CTNNA2: variants seen among roughly 807,000 people sequenced by gnomAD.
CTNNA2 encodes the protein catenin alpha-2.
In CTNNA2, 42 loss-of-function variants were observed where a neutral mutation model predicts 101.0. That is an observed-to-expected ratio of 0.42 (90% CI 0.32 to 0.54). The LOEUF is 0.54. Ranked by LOEUF, CTNNA2 falls within the 20% of genes least tolerant of loss-of-function variation. CTNNA2 has a pLI of 0.14. For missense variants in CTNNA2, 871 were observed against 1,223.1 expected (o/e 0.71, Z 4.29); for synonymous variants, 450 against 456.4 (o/e 0.99, Z 0.18).
At chr2:80,469,913 C>T (rs1371612107) in intron 9 of CTNNA2, among the ~76,000 whole-genome samples, 1 of 152,132 alleles carries the variant, frequency 6.6e-6, no homozygotes, top group African/African-American at 2.4e-5. Context: ...CTTGCAATGG[C>T]CATGTCAATA....
At chr2:79,847,817 G>A (rs573157739) in intron 3 of CTNNA2, among the ~76,000 whole-genome samples, 1 of 152,266 alleles carries the variant, frequency 6.6e-6, no homozygotes, top group East Asian at 1.9e-4. Flanking sequence ...TCTGAATGCT[G>A]CCGTCTCTTT....
At chr2:79,544,592 T>G (rs936979093) in intron 1 of CTNNA2, among the ~76,000 whole-genome samples, 7 of 152,136 alleles carry the variant, frequency 4.6e-5, no homozygotes, top group Non-Finnish European at 2.9e-5. Flanking sequence ...TTTATGAAAG[T>G]GCAGGGACAT....
chr2:79,618,153 G>A (rs1279178188), intron 1 of CTNNA2, among the ~76,000 whole-genome samples: 3 of 152,194 alleles, frequency 2.0e-5, no homozygotes, highest in African/African-American at 7.2e-5. Context: ...GTGCCCAGTG[G>A]AGCATGGAGG....
At chr2:79,944,629 G>A (rs1322952165) in intron 7 of CTNNA2, among the ~76,000 whole-genome samples, 1 of 152,202 alleles carries the variant, frequency 6.6e-6, no homozygotes, top group Non-Finnish European at 1.5e-5. Context: ...AAGCTTGAAA[G>A]TGATTGCAAC....
chr2:79,552,697 G>A (rs1674190729), intron 1 of CTNNA2, among the ~76,000 whole-genome samples: 1 of 152,016 alleles, frequency 6.6e-6, no homozygotes, highest in South Asian at 2.1e-4. Context: ...ACATCTCATG[G>A]AAGCCACCAA....
intron 2 of CTNNA2, among the ~76,000 whole-genome samples, chr2:79,730,888 C>T (rs557551514): frequency 1.3e-4 from 19 of 150,858 alleles, no homozygotes; most frequent in Non-Finnish European, 2.5e-4. Context: ...GTGGTTACTA[C>T]AAAAAAAATG....
chr2:79,367,609 C>G (rs1346084762), intron 3 of CTNNA2, among the ~76,000 whole-genome samples: 1 of 152,090 alleles, frequency 6.6e-6, no homozygotes, highest in Non-Finnish European at 1.5e-5. Flanking sequence ...GTCTGACTTT[C>G]TTAACTGCTG....
At chr2:79,511,717 G>T (rs1397832728), upstream of CTNNA2, among the ~76,000 whole-genome samples, 1 of 152,142 alleles carries the variant, frequency 6.6e-6, no homozygotes, top group African/African-American at 2.4e-5. Flanking sequence ...TCCCTAGAGA[G>T]AATTAAAAAT....
intron 3 of CTNNA2, among the ~76,000 whole-genome samples, chr2:79,748,072 C>G (rs1412348958): frequency 6.6e-6 from 1 of 152,194 alleles, no homozygotes; most frequent in Non-Finnish European, 1.5e-5. Context: ...TCCTCAGTCT[C>G]TTGTTTGAAT....
intron 7 of CTNNA2, among the ~76,000 whole-genome samples, chr2:80,075,693 TATACTTGTATAAATATTATAAAA>T (rs1698682128): frequency 3.5e-5 from 3 of 86,412 alleles, no homozygotes; most frequent in African/African-American, 9.8e-5. Context: ...AAATAATATT[TATACTTGTATAAATATTATAAAA>T]ATAATATTTA....
chr2:79,559,190 G>A (rs1384448869), intron 1 of CTNNA2, among the ~76,000 whole-genome samples: 3 of 151,964 alleles, frequency 2.0e-5, no homozygotes, highest in Non-Finnish European at 4.4e-5. Context: ...TGGCATTACC[G>A]GGTAAAAAGA....
intron 4 of CTNNA2, among the ~76,000 whole-genome samples, chr2:79,414,899 A>G (rs952163087): frequency 6.6e-6 from 1 of 152,102 alleles, no homozygotes. Flanking sequence ...CCAGTGAGGA[A>G]TTTCCCACCT....
rs557885036 is a variant in CTNNA2 at position 80,439,292 on chromosome 2, A to G, written c.1290+19691A>G. 2.0e-5 allele frequency among the ~76,000 whole-genome samples: 3 copies of G among 152,314 alleles called. No homozygotes were observed. In the East Asian group the frequency reaches 5.8e-4, roughly 29 times the overall value. On this transcript the variant is annotated intron_variant, in intron 9 of 18. Transcript: ENST00000402739. ...TTTCTCACTTCCCCTGCTGCATTTTAATGTTAGGATATTTGCAAAAAAGTT... is the reference window on the plus strand; with the variant it reads ...TTTCTCACTTCCCCTGCTGCATTTTGATGTTAGGATATTTGCAAAAAAGTT...
chr2:80,017,757 GTGA>G (rs1694259385), intron 7 of CTNNA2, among the ~76,000 whole-genome samples: 1 of 152,022 alleles, frequency 6.6e-6, no homozygotes, highest in Admixed American at 6.6e-5. Flanking sequence ...ACCAATATTT[GTGA>G]TCTTGATAAG....
At chr2:79,651,765 T>C (rs1275570961) in intron 2 of CTNNA2, 107 bp downstream of exon 2, 4 of 891,600 alleles carry the variant, frequency 4.5e-6, no homozygotes, top group South Asian at 1.5e-5. Context: ...AATCATGCCA[T>C]GATTCCGATT....
intron 2 of CTNNA2, among the ~76,000 whole-genome samples, chr2:79,278,894 T>C (rs1229323539): frequency 6.6e-6 from 1 of 152,074 alleles, no homozygotes; most frequent in Non-Finnish European, 1.5e-5. Context: ...AGAGAATGTA[T>C]CTGGGAAAGG....
intron 11 of CTNNA2, among the ~76,000 whole-genome samples, chr2:80,551,757 C>T (rs1002696598): frequency 1.4e-4 from 21 of 152,162 alleles, no homozygotes; most frequent in African/African-American, 4.8e-4. Context: ...CAAACTTTCT[C>T]CATATTAGCA....
At chr2:79,331,492 C>T (rs767168104) in intron 3 of CTNNA2, among the ~76,000 whole-genome samples, 2 of 152,188 alleles carry the variant, frequency 1.3e-5, no homozygotes, top group Non-Finnish European at 2.9e-5. Flanking sequence ...AGCCCTCTGT[C>T]CTCTCACTTC....
chr2:79,422,291 G>C (rs1678548185), intron 4 of CTNNA2, among the ~76,000 whole-genome samples: 1 of 151,658 alleles, frequency 6.6e-6, no homozygotes, highest in African/African-American at 2.4e-5. Context: ...CTAGAGCAGT[G>C]GCTCTAAACC....
Sources: gnomAD v4.1 joint callset for allele counts (sites outside exome capture counted in the v4.1 genomes callset) on GRCh38, gnomAD v4.1.1 for gene constraint, MANE v1.5 for transcripts, NCBI Gene and HGNC (gene_info 2026-07-23, HGNC 2026-07-21) for gene names.